The following FNDC3B variants were observed in gnomAD, a reference collection of about 807,000 sequenced individuals.
FNDC3B encodes fibronectin type III domain containing 3B, also known as fibronectin type III domain-containing protein 3B.
A neutral mutation model predicts 151.5 loss-of-function variants in FNDC3B; 12 were observed. The ratio of observed to expected loss-of-function variants is 0.08; its 90% CI spans 0.05 to 0.13. The LOEUF (loss-of-function observed/expected upper bound fraction) is 0.13, where lower values mean the gene tolerates loss of function less well. Ranked by LOEUF, FNDC3B falls within the 10% of genes least tolerant of loss-of-function variation. FNDC3B has a pLI of 1.00. For missense variants in FNDC3B, 1,214 were observed against 1,505.3 expected, an observed-to-expected ratio of 0.81 and a Z score of 3.20; for synonymous variants, 528 against 549.0, an observed-to-expected ratio of 0.96 and a Z score of 0.54.
intron 2 of FNDC3B, among the ~76,000 whole-genome samples, chr3:172,132,934 T>C (rs1721176129): frequency 6.6e-6 from 1 of 152,206 alleles, no homozygotes; most frequent in Non-Finnish European, 1.5e-5. Context: ...TGGCGGGGCC[T>C]ATTTATAATA....
intron 3 of FNDC3B, among the ~76,000 whole-genome samples, chr3:172,147,864 T>C (rs997295667): frequency 7.2e-5 from 11 of 152,064 alleles, no homozygotes; most frequent in African/African-American, 2.7e-4. Flanking sequence ...TTAAGTCTGG[T>C]CACCCAATGG....
chr3:172,166,879 T>G (rs1002779282), intron 3 of FNDC3B, among the ~76,000 whole-genome samples: 2 of 152,150 alleles, frequency 1.3e-5, no homozygotes, highest in Non-Finnish European at 2.9e-5. Context: ...TTCATATCTT[T>G]GCCAGAGAAG....
At chr3:172,058,342 C>G (rs186932551) in intron 1 of FNDC3B, among the ~76,000 whole-genome samples, 52 of 152,158 alleles carry the variant, frequency 3.4e-4, no homozygotes, top group Admixed American at 1.8e-3. Flanking sequence ...AAATGTGAAC[C>G]TGTCTTTGTA....
intron 7 of FNDC3B, among the ~76,000 whole-genome samples, chr3:172,290,822 C>A (rs1402159903): frequency 6.6e-6 from 1 of 152,096 alleles, no homozygotes; most frequent in Non-Finnish European, 1.5e-5. Flanking sequence ...TTTCCTTTTT[C>A]ATTTATTTTC....
intron 22 of FNDC3B, among the ~76,000 whole-genome samples, chr3:172,354,873 T>C (rs1734015757): frequency 6.6e-6 from 1 of 151,252 alleles, no homozygotes. Context: ...GATTTTCTTT[T>C]TTTTTTTTTT....
intron 1 of FNDC3B, among the ~76,000 whole-genome samples, chr3:172,083,232 A>T (rs1246761465): frequency 6.6e-6 from 1 of 152,224 alleles, no homozygotes; most frequent in African/African-American, 2.4e-5. Context: ...TACTCCTGAC[A>T]TACCAAATAG....
intron 3 of FNDC3B, among the ~76,000 whole-genome samples, chr3:172,197,858 T>A (rs138986343): frequency 3.7e-4 from 56 of 152,360 alleles, no homozygotes; most frequent in African/African-American, 1.3e-3. Context: ...ATCACTTTGA[T>A]CATTGACTAA....
At chr3:172,158,770 T>C (rs1198530293) in intron 3 of FNDC3B, among the ~76,000 whole-genome samples, 1 of 152,236 alleles carries the variant, frequency 6.6e-6, no homozygotes. Context: ...TTTATAGTTT[T>C]ACATGGAAGT....
chr3:172,226,305 CAA>C (rs199864393), intron 3 of FNDC3B, among the ~76,000 whole-genome samples: 1,389 of 119,602 alleles, frequency 0.012, 34 homozygotes, highest in African/African-American at 0.041. Context: ...AACTCTGTCT[CAA>C]AAAAAAAAAA....
At chr3:172,226,167 T>C (rs1374814483) in intron 3 of FNDC3B, among the ~76,000 whole-genome samples, 2 of 151,874 alleles carry the variant, frequency 1.3e-5, no homozygotes, top group Non-Finnish European at 2.9e-5. Flanking sequence ...TAGCTGGGCG[T>C]GGTGGCGGGC....
At chr3:172,157,421 A>G (rs938281734) in intron 3 of FNDC3B, among the ~76,000 whole-genome samples, 6 of 152,214 alleles carry the variant, frequency 3.9e-5, no homozygotes, top group Non-Finnish European at 7.3e-5. Flanking sequence ...ATTTTAATAT[A>G]AAAATCAGGA....
intron 3 of FNDC3B, among the ~76,000 whole-genome samples, chr3:172,174,923 T>TCCCCTC (rs1723479282): frequency 3.9e-5 from 1 of 25,534 alleles, no homozygotes; most frequent in Non-Finnish European, 9.0e-5. Context: ...TTGGAGACCT[T>TCCCCTC]CCCCCCGCCA....
intron 3 of FNDC3B, among the ~76,000 whole-genome samples, chr3:172,137,978 C>T (rs934326085): frequency 2.0e-5 from 3 of 152,196 alleles, no homozygotes; most frequent in Non-Finnish European, 4.4e-5. Flanking sequence ...TAATAGAGGG[C>T]ACACTTGGGT....
intron 3 of FNDC3B, among the ~76,000 whole-genome samples, chr3:172,153,692 G>C (rs577579230): frequency 3.3e-5 from 5 of 152,322 alleles, no homozygotes; most frequent in Admixed American, 2.6e-4. Context: ...TGCCTCAAGA[G>C]TCAAACAGTG....
chr3:172,212,444 C>T (rs1311906423), intron 3 of FNDC3B, among the ~76,000 whole-genome samples: 2 of 152,148 alleles, frequency 1.3e-5, no homozygotes, highest in African/African-American at 4.8e-5. Flanking sequence ...GCATCAAAAC[C>T]AGTGATCAGG....
intron 1 of FNDC3B, among the ~76,000 whole-genome samples, chr3:172,079,898 A>AT (rs1718193761): frequency 4.8e-5 from 4 of 82,984 alleles, no homozygotes; most frequent in Non-Finnish European, 7.8e-5. Flanking sequence ...GGTAACTGAA[A>AT]CCCTATGAGG....
intron 1 of FNDC3B, among the ~76,000 whole-genome samples, chr3:172,048,672 T>C (rs2108455040): frequency 6.6e-6 from 1 of 152,254 alleles, no homozygotes; most frequent in South Asian, 2.1e-4. Flanking sequence ...TTATTGACAA[T>C]ACCTAAAAGG....
At chr3:172,348,022 T>C (rs1194435384) in intron 21 of FNDC3B, among the ~76,000 whole-genome samples, 8 of 152,202 alleles carry the variant, frequency 5.3e-5, no homozygotes, top group African/African-American at 9.7e-5. Flanking sequence ...CTTGAGAAAA[T>C]AGAGTTCTTT....
At chr3:172,324,491 G>A (rs936450265) in intron 11 of FNDC3B, among the ~76,000 whole-genome samples, 3 of 152,176 alleles carry the variant, frequency 2.0e-5, no homozygotes, top group African/African-American at 4.8e-5. Context: ...GCGTCATCCT[G>A]CGCCAGATTG....
Sources: allele counts gnomAD v4.1 joint callset (sites outside exome capture counted in the v4.1 genomes callset), GRCh38; gene constraint gnomAD v4.1.1; transcripts MANE v1.5; gene names NCBI Gene and HGNC (gene_info 2026-07-23, HGNC 2026-07-21).